PRKCQ: variants seen among roughly 807,000 people sequenced by gnomAD.
The protein encoded by PRKCQ is protein kinase C theta, also known as protein kinase C theta type.
In PRKCQ, 41 loss-of-function variants were observed where a neutral mutation model predicts 91.2. The ratio of observed to expected loss-of-function variants is 0.45; its 90% CI spans 0.35 to 0.58. The LOEUF is 0.58. PRKCQ is among the 20% of genes least tolerant of loss of function. The pLI is 0.00. For synonymous variants in PRKCQ, 307 were observed against 316.9 expected, an observed-to-expected ratio of 0.97 and a Z score of 0.33; for missense variants, 673 against 896.5, an observed-to-expected ratio of 0.75 and a Z score of 3.18.
At chr10:6,455,344 G>T (rs371337634) in intron 15 of PRKCQ, among the ~76,000 whole-genome samples, 3 of 152,130 alleles carry the variant, frequency 2.0e-5, no homozygotes, top group Admixed American at 6.5e-5. Context: ...AATAAGCCTC[G>T]CTCTGTGAGT....
intron 8 of PRKCQ, among the ~76,000 whole-genome samples, chr10:6,489,215 C>T (rs893138809): frequency 6.6e-6 from 1 of 152,168 alleles, no homozygotes; most frequent in Non-Finnish European, 1.5e-5. Flanking sequence ...GCCCCAGCTC[C>T]ATTTTCTTAT....
rs1356404184 is a variant in PRKCQ at position 6,465,359 on chromosome 10, G to A, written c.1354-955C>T. 1.3e-5 allele frequency among the ~76,000 whole-genome samples: 2 copies of A among 152,106 alleles called. No individual in the cohort carries two copies. Among genetic ancestry groups the A allele is most frequent in the Non-Finnish European group, 1.5e-5 (1 of 68,016 alleles). The stretch of plus-strand genomic sequence containing the variant: ...ACATGATGTATGTCAGTAGAGCTGG[G>A]GCCCTCGAGTGGCCACAGTCAGAAG... On this transcript the variant is annotated intron_variant, in intron 12 of 17. Transcript: ENST00000263125. This position sits in a 1 kb window ranked among gnomAD's most constrained non-coding sequence, Gnocchi z 4.4.
downstream of PRKCQ, among the ~76,000 whole-genome samples, chr10:6,422,240 G>A (rs1055615116): frequency 1.3e-5 from 2 of 152,140 alleles, no homozygotes; most frequent in Non-Finnish European, 2.9e-5. Context: ...CATAGATGGC[G>A]TTATTCACTT....
chr10:6,548,873 A>C (rs912112192), intron 1 of PRKCQ, among the ~76,000 whole-genome samples: 4 of 152,266 alleles, frequency 2.6e-5, no homozygotes, highest in African/African-American at 7.2e-5. Context: ...CCTAAAACTT[A>C]AAGTATAATA....
chr10:6,538,001 A>G (rs561778900), intron 1 of PRKCQ, among the ~76,000 whole-genome samples: 21 of 152,368 alleles, frequency 1.4e-4, no homozygotes, highest in African/African-American at 5.0e-4. Context: ...CCTGCAAAAC[A>G]GGAAGGAAAA....
Position 6,454,045 on chromosome 10 carries a change from C to T in PRKCQ, c.1647+2629G>A, listed in dbSNP as rs59553558. Among the ~76,000 whole-genome samples, 742 of 152,154 alleles carry T rather than the reference C, an allele frequency of 4.9e-3. 8 individuals carry two copies. The highest frequency in any genetic ancestry group is 0.017 in the African/African-American group (702 of 41,488). On this transcript the variant is annotated intron_variant, in intron 15 of 17. Coordinates refer to ENST00000263125, the MANE Select transcript of PRKCQ (RefSeq NM_006257.5). ...ATGTAACTAACCTGCACATTATGCA[C>T]ATGTACCCTAAAACTTAAAGTATAA... is the stretch of plus-strand genomic sequence containing the variant.
At chr10:6,466,114 A>G (rs1835637768) in intron 12 of PRKCQ, among the ~76,000 whole-genome samples, 2 of 152,280 alleles carry the variant, frequency 1.3e-5, no homozygotes, top group Admixed American at 6.5e-5. Context: ...AGCAAAGCGT[A>G]TGAAAGTGTA....
intron 3 of PRKCQ, 61 bp downstream of exon 3, chr10:6,510,934 A>G: frequency 6.3e-7 from 1 of 1,594,984 alleles, no homozygotes; most frequent in African/African-American, 1.3e-5. Flanking sequence ...GGGAGTTCTG[A>G]GCCAGTCATC....
At chr10:6,472,870 G>T (rs945564849) in intron 12 of PRKCQ, among the ~76,000 whole-genome samples, 4 of 151,946 alleles carry the variant, frequency 2.6e-5, no homozygotes, top group Non-Finnish European at 5.9e-5. Flanking sequence ...CCACCACCCC[G>T]CCTGGCTAAT....
Position 6,486,068 on chromosome 10 carries a change from A to C in PRKCQ, c.867T>G (p.Ala289=). ...TGCTCTCAATCATGGCCAGCGCTTC[A>C]GCCATTAGCTTCTGGTTTATGCCAC... is the stretch of plus-strand genomic sequence containing the variant. ...NLCGINQKLM[A]EALAMIESTQ... is the part of the protein sequence containing the mutation. The change falls in exon 9 of 18, where the codon GCT becomes GCG. Residue 289 remains alanine (A), a synonymous_variant. Coordinates refer to ENST00000263125, the MANE Select transcript of PRKCQ (RefSeq NM_006257.5). The C allele has an allele frequency of 6.2e-7, 1 of 1,614,130 alleles. No homozygotes were observed. Among genetic ancestry groups the C allele is most frequent in the Non-Finnish European group, 8.5e-7 (1 of 1,180,034 alleles).
At chr10:6,560,020 G>A (rs749422925) in intron 1 of PRKCQ, among the ~76,000 whole-genome samples, 7 of 152,114 alleles carry the variant, frequency 4.6e-5, no homozygotes, top group Admixed American at 6.5e-5. Context: ...GCTTGACGAG[G>A]GTCAGTACCT....
At chr10:6,517,338 TG>T (rs1458814129) in intron 1 of PRKCQ, among the ~76,000 whole-genome samples, 1 of 18,008 alleles carries the variant, frequency 5.6e-5, no homozygotes, top group Non-Finnish European at 2.0e-4. Flanking sequence ...TAGCAAGTTT[TG>T]TGTTTTTTTT....
rs1833155831 is a variant in PRKCQ, at chr10:6,427,192, T to TGAA, written c.*1012_*1014dup. 1 of 152,098 alleles carries TGAA rather than the reference T, an allele frequency of 6.6e-6. No homozygotes were observed. The highest frequency in any genetic ancestry group is 1.9e-4 in the East Asian group (1 of 5,194). The allele number at this position is 152,098 out of a possible 1,614,324, so 9.4% of individuals were successfully genotyped here. Reference sequence around the variant, plus strand: ...TTTTTACACATCCACCTGTTTGCCATGAAGTCACAACATTTTATCAAAATA... The same window carrying TGAA: ...TTTTTACACATCCACCTGTTTGCCATGAAGAAGTCACAACATTTTATCAAAATA... On this transcript the variant is annotated 3_prime_UTR_variant, in exon 18 of 18. Coordinates refer to ENST00000263125, the MANE Select transcript of PRKCQ (RefSeq NM_006257.5).
At chr10:6,418,134 G>C in the PRKCQ span, among the ~76,000 whole-genome samples, 1 of 152,180 alleles carries the variant, frequency 6.6e-6, no homozygotes, top group African/African-American at 2.4e-5. Context: ...CAACATCCTT[G>C]ATTTAAAATT....
the PRKCQ span, among the ~76,000 whole-genome samples, chr10:6,411,302 C>T: frequency 6.6e-6 from 1 of 152,106 alleles, no homozygotes; most frequent in South Asian, 2.1e-4. Context: ...TAGAAAGTTC[C>T]CTGGCACATA....
At chr10:6,429,566 G>A (rs955557456) in intron 17 of PRKCQ, among the ~76,000 whole-genome samples, 4 of 152,110 alleles carry the variant, frequency 2.6e-5, no homozygotes, top group African/African-American at 9.7e-5. Flanking sequence ...CCATGAGCCT[G>A]GCCCCCTTCA....
chr10:6,454,458 A>G (rs1834899909), intron 15 of PRKCQ, among the ~76,000 whole-genome samples: 1 of 152,170 alleles, frequency 6.6e-6, no homozygotes, highest in Non-Finnish European at 1.5e-5. Flanking sequence ...GTCTGAATTC[A>G]GTCACAAGTT....
intron 8 of PRKCQ, among the ~76,000 whole-genome samples, chr10:6,488,435 G>A (rs1286329746): frequency 6.6e-6 from 1 of 150,968 alleles, no homozygotes; most frequent in Non-Finnish European, 1.5e-5. Flanking sequence ...ACCCAGGCTG[G>A]AGTGCAGTGG....
chr10:6,466,360 G>T (rs987417436), intron 12 of PRKCQ, among the ~76,000 whole-genome samples: 1 of 152,176 alleles, frequency 6.6e-6, no homozygotes, highest in African/African-American at 2.4e-5. Context: ...GCATTGGGGG[G>T]GTTGAATTGG....
Sources: allele counts gnomAD v4.1 joint callset (sites outside exome capture counted in the v4.1 genomes callset), GRCh38; gene constraint gnomAD v4.1.1; non-coding constraint Gnocchi (gnomAD v3.1); transcripts MANE v1.5; gene names NCBI Gene and HGNC (gene_info 2026-07-23, HGNC 2026-07-21).